The following AKAP13 variants were observed in gnomAD, a reference collection of about 807,000 sequenced individuals.
AKAP13 encodes A-kinase anchor protein 13.
In AKAP13, 80 loss-of-function variants were observed where a neutral mutation model predicts 264.5. That is an observed-to-expected ratio of 0.30 (90% CI 0.25 to 0.36). The LOEUF (loss-of-function observed/expected upper bound fraction) is 0.36. AKAP13 is among the 10% of genes least tolerant of loss of function. AKAP13 has a pLI of 1.00. For missense variants in AKAP13, 3,712 were observed against 3,435.2 expected (o/e 1.08, Z -2.01); for synonymous variants, 1,380 against 1,250.2 (o/e 1.10, Z -2.19).
intron 2 of AKAP13, among the ~76,000 whole-genome samples, chr15:85,512,338 A>G (rs370742988): frequency 6.6e-6 from 1 of 152,246 alleles, no homozygotes; most frequent in East Asian, 1.9e-4. Flanking sequence ...CGTGAGTGTA[A>G]GCAGACCTCT....
At chr15:85,451,451 G>C (rs2150979257) in intron 1 of AKAP13, among the ~76,000 whole-genome samples, 1 of 152,238 alleles carries the variant, frequency 6.6e-6, no homozygotes, top group East Asian at 1.9e-4. Context: ...TGTTTGTGTG[G>C]TTGATTTACA....
At chr15:85,600,454 AT>A (rs2080009007) in intron 8 of AKAP13, among the ~76,000 whole-genome samples, 1 of 152,308 alleles carries the variant, frequency 6.6e-6, no homozygotes, top group East Asian at 1.9e-4. Flanking sequence ...ATTGTTAAAT[AT>A]TTTTAAAAGC....
chr15:85,580,409 T>C lies in AKAP13; in HGVS notation c.2341T>C (p.Ser781Pro), dbSNP rs769926385. The change falls in exon 7 of 37, where the codon TCA becomes CCA. Residue 781 changes from serine to proline, a missense_variant. Ser to Pro is a moderately conservative substitution (Grantham distance 74). Coordinates refer to ENST00000394518, the MANE Select transcript of AKAP13 (RefSeq NM_007200.5). ...ACTGGTGCCAGACCAGGCAGTAATATCAGACAGTACTTTCTCTCTGGCAAA... is the reference window on the plus strand; with the variant it reads ...ACTGGTGCCAGACCAGGCAGTAATACCAGACAGTACTTTCTCTCTGGCAAA... ...KELVPDQAVI[S>P]DSTFSLANSP... is the part of the protein sequence containing the mutation. The C allele has an allele frequency of 2.5e-6, 4 of 1,614,158 alleles. No individual in the cohort carries two copies. Among genetic ancestry groups the C allele is most frequent in the East Asian group, 2.2e-5 (1 of 44,886 alleles).
chr15:85,388,091 GT>G (rs1313825187), intron 1 of AKAP13, among the ~76,000 whole-genome samples: 1 of 151,090 alleles, frequency 6.6e-6, no homozygotes, highest in Non-Finnish European at 1.5e-5. Context: ...CTGGAGTGCA[GT>G]GGTGCGATCT....
At chr15:85,687,792 G>C (rs1188645036) in intron 16 of AKAP13, among the ~76,000 whole-genome samples, 1 of 152,136 alleles carries the variant, frequency 6.6e-6, no homozygotes, top group African/African-American at 2.4e-5. Context: ...TGTAATCTCA[G>C]TACTTTGAGG....
At chr15:85,593,179 G>A (rs2079656053) in intron 8 of AKAP13, among the ~76,000 whole-genome samples, 1 of 152,086 alleles carries the variant, frequency 6.6e-6, no homozygotes, top group East Asian at 1.9e-4. Flanking sequence ...GGGCGTGGTG[G>A]TGCGCCCCTG....
intron 8 of AKAP13, among the ~76,000 whole-genome samples, chr15:85,623,792 A>T (rs1449230136): frequency 6.6e-6 from 1 of 152,200 alleles, no homozygotes; most frequent in Non-Finnish European, 1.5e-5. Flanking sequence ...ACATTCCCCC[A>T]GTTCTCCTTT....
At chr15:85,629,764 CTTTTTTTTTTTTTTTTT>C (rs773396099) in intron 8 of AKAP13, among the ~76,000 whole-genome samples, 14 of 50,504 alleles carry the variant, frequency 2.8e-4, no homozygotes, top group Non-Finnish European at 3.7e-4. Flanking sequence ...CCTTTACAGC[CTTTTTTTTTTTTTTTTT>C]TTTTTTTTTT....
chr15:85,573,575 A>AAATG (rs10668228), intron 5 of AKAP13, among the ~76,000 whole-genome samples: 26 of 149,254 alleles, frequency 1.7e-4, no homozygotes, highest in African/African-American at 6.1e-4. Context: ...ATAAATAAAT[A>AAATG]TGATATGATA....
chr15:85,683,327 C>G (rs565479925), intron 15 of AKAP13, among the ~76,000 whole-genome samples: 7 of 152,338 alleles, frequency 4.6e-5, no homozygotes, highest in African/African-American at 1.7e-4. Context: ...GCCACCTGCC[C>G]TCTCACAGAG....
chr15:85,448,217 GTTGT>G (rs1163853234), intron 1 of AKAP13, among the ~76,000 whole-genome samples: 5 of 151,948 alleles, frequency 3.3e-5, no homozygotes, highest in Non-Finnish European at 7.4e-5. Context: ...TTTTAATAGG[GTTGT>G]TTGTTTTTCT....
chr15:85,722,073 A>G lies in AKAP13; in HGVS notation c.6335A>G (p.Lys2112Arg), dbSNP rs764876207. 5 of 1,614,170 alleles carry G rather than the reference A, an allele frequency of 3.1e-6. No individual in the cohort carries two copies. In the Admixed American group the frequency reaches 6.7e-5, roughly 22 times the overall value. Residue 2112 changes from lysine (K) to arginine (R), a missense_variant, in exon 24 of 37, where the codon AAA (lysine) becomes AGA (arginine). This residue lies in a region of AKAP13 where 342 missense variants were observed against 484.3 expected (regional missense o/e 0.71). Transcript: ENST00000394518. ...CATAACCAGTCTGTAAACTACTTCA[A>G]AGACCTTTATGCCAAGGATAAGCGT... Reference protein sequence around the residue: ...GQHNQSVNYFKDLYAKDKRFQ... With the variant: ...GQHNQSVNYFRDLYAKDKRFQ...
At chr15:85,741,917 C>T (rs1376615107) in intron 35 of AKAP13, among the ~76,000 whole-genome samples, 10 of 151,872 alleles carry the variant, frequency 6.6e-5, no homozygotes, top group Admixed American at 5.2e-4. Context: ...TGGTGGCAGG[C>T]GCCTATAATC....
intron 14 of AKAP13, among the ~76,000 whole-genome samples, chr15:85,673,739 G>A (rs1176774640): frequency 7.7e-6 from 1 of 129,532 alleles, no homozygotes; most frequent in African/African-American, 3.0e-5. Context: ...AGGCTGGAGT[G>A]CAGTGGCACG....
chr15:85,395,713 A>G (rs771709298), intron 1 of AKAP13, among the ~76,000 whole-genome samples: 4 of 151,944 alleles, frequency 2.6e-5, no homozygotes, highest in African/African-American at 4.8e-5. Context: ...TGTTTTTCCT[A>G]TTTAGATTAG....
chr15:85,422,651 C>T (rs2072575867), intron 1 of AKAP13, among the ~76,000 whole-genome samples: 1 of 152,194 alleles, frequency 6.6e-6, no homozygotes, highest in Admixed American at 6.5e-5. Context: ...TGCATACCTG[C>T]ATATGATTTT....
Position 85,669,616 on chromosome 15 carries a change from T to G in AKAP13, c.4993-106T>G. On this transcript the variant is annotated intron_variant, in intron 13 of 36. Coordinates refer to ENST00000394518, the MANE Select transcript of AKAP13 (RefSeq NM_007200.5). ...CAAGGCCTGTGCTCTCACCCGCTTCTTCACTGCCTTATTTTACTATGTGGG... is the reference window on the plus strand; with the variant it reads ...CAAGGCCTGTGCTCTCACCCGCTTCGTCACTGCCTTATTTTACTATGTGGG... 5.0e-6 allele frequency: 4 copies of G among 795,652 alleles called. No homozygotes were observed. In the South Asian group the frequency reaches 7.4e-5, roughly 15 times the overall value. The allele number at this position is 795,652 out of a possible 1,614,324, so 49.3% of individuals were successfully genotyped here.
At chr15:85,504,915 C>G (rs2076165050) in intron 2 of AKAP13, among the ~76,000 whole-genome samples, 1 of 151,796 alleles carries the variant, frequency 6.6e-6, no homozygotes. Flanking sequence ...CGCACCCTCT[C>G]CCCCTCTCCC....
intron 19 of AKAP13, among the ~76,000 whole-genome samples, chr15:85,712,867 G>C (rs973280754): frequency 6.6e-6 from 1 of 152,100 alleles, no homozygotes; most frequent in Non-Finnish European, 1.5e-5. Context: ...TCTTATTCCT[G>C]TTGTACTCCA....
Sources: gnomAD v4.1 joint callset for allele counts (sites outside exome capture counted in the v4.1 genomes callset) on GRCh38, gnomAD v4.1.1 for gene constraint, gnomAD v4.1.1 regional missense constraint, MANE v1.5 for transcripts, NCBI Gene and HGNC (gene_info 2026-07-23, HGNC 2026-07-21) for gene names.